The following SNX25 variants were observed in gnomAD, a reference collection of about 807,000 sequenced individuals.
SNX25 encodes the protein sorting nexin-25.
In SNX25, 62 loss-of-function variants were observed where a neutral mutation model predicts 113.7. That is an observed-to-expected ratio of 0.55 (90% CI 0.44 to 0.67). The LOEUF (loss-of-function observed/expected upper bound fraction) is 0.67, where lower values mean the gene tolerates loss of function less well. Ranked by LOEUF, SNX25 falls within the 30% of genes least tolerant of loss-of-function variation. The pLI is 0.00. For synonymous variants in SNX25, 421 were observed against 436.2 expected (o/e 0.97, Z 0.43); for missense variants, 1,014 against 1,161.0 (o/e 0.87, Z 1.84).
intron 1 of SNX25, among the ~76,000 whole-genome samples, chr4:185,212,466 TGTG>T (rs1560889771): frequency 2.3e-4 from 17 of 73,812 alleles, no homozygotes; most frequent in South Asian, 1.3e-3. Context: ...TTGTGTGATG[TGTG>T]TGTGTGTGTG....
At position 185,264,537 on chromosome 4, in the gene SNX25, T is replaced by C. The variant is rs993939415; in HGVS notation, c.831T>C (p.Phe277=). 1.2e-6 allele frequency: 2 copies of C among 1,614,112 alleles called. No homozygotes were observed. Among genetic ancestry groups the C allele is most frequent in the Non-Finnish European group, 1.7e-6 (2 of 1,179,962 alleles). The part of the protein sequence containing the change: ...FLQTCSRVLV[F]CLLPSKDVQS... ...AAACGTGTTCTCGGGTTCTGGTGTT[T>C]TGTCTCCTCCCCTCAAAGGATGTGC... Residue 277 remains phenylalanine (F), a synonymous_variant, in exon 4 of 19, where the codon TTT becomes TTC. Coordinates refer to ENST00000652585, the MANE Select transcript of SNX25 (RefSeq NM_001378034.2).
At position 185,287,018 on chromosome 4, in the gene SNX25, TAAAG is replaced by T. The variant is rs556294809; in HGVS notation, c.1092-991_1092-988del. 1.8e-3 allele frequency among the ~76,000 whole-genome samples: 277 copies of T among 152,332 alleles called. 1 individual carries two copies. Among genetic ancestry groups the T allele is most frequent in the Admixed American group, 3.7e-3 (56 of 15,304 alleles). Reference sequence around the variant, plus strand: ...TTTTGTTCAAAGTAAGAATTAATGTTAAAGAACTTTATTACCAGCAGATGAAATT... The same window carrying T: ...TTTTGTTCAAAGTAAGAATTAATGTTAACTTTATTACCAGCAGATGAAATT... On this transcript the variant is annotated intron_variant, in intron 5 of 18. Transcript: ENST00000652585.
intron 6 of SNX25, among the ~76,000 whole-genome samples, chr4:185,310,001 T>A (rs979818653): frequency 2.6e-5 from 4 of 152,238 alleles, no homozygotes; most frequent in Admixed American, 2.6e-4. Flanking sequence ...TCGAAAGCTC[T>A]GTTCTCTTTC....
chr4:185,273,767 T>C (rs1310277077), intron 5 of SNX25, among the ~76,000 whole-genome samples: 4 of 152,126 alleles, frequency 2.6e-5, no homozygotes, highest in Non-Finnish European at 5.9e-5. Flanking sequence ...GATGATGCAG[T>C]GTTTGGCTTA....
At chr4:185,260,178 ATT>A (rs1235334840) in intron 3 of SNX25, among the ~76,000 whole-genome samples, 6 of 132,932 alleles carry the variant, frequency 4.5e-5, no homozygotes, top group African/African-American at 1.5e-4. Context: ...ACTCAATTTT[ATT>A]TTCTTACTTA....
At chr4:185,255,726 G>A (rs1458971161) in intron 2 of SNX25, among the ~76,000 whole-genome samples, 3 of 152,200 alleles carry the variant, frequency 2.0e-5, no homozygotes, top group Admixed American at 6.5e-5. Flanking sequence ...GTGCTGAGTA[G>A]AAAGAGTGAT....
chr4:185,211,267 A>G lies in SNX25; in HGVS notation c.429+1012A>G, dbSNP rs557751535. 1.7e-4 allele frequency among the ~76,000 whole-genome samples: 26 copies of G among 152,346 alleles called. No homozygotes were observed. The South Asian group carries it at 5.4e-3, about 32-fold the overall frequency. On this transcript the variant is annotated intron_variant, in intron 1 of 18. Coordinates refer to ENST00000652585, the MANE Select transcript of SNX25 (RefSeq NM_001378034.2). The stretch of plus-strand genomic sequence containing the variant: ...TTAGTTCAGAATGCAGCGCTGAGAT[A>G]ATGGCGGAAGGCATTAGTAGGTAAC...
At chr4:185,240,178 A>G (rs1467426085) in intron 1 of SNX25, among the ~76,000 whole-genome samples, 1 of 151,976 alleles carries the variant, frequency 6.6e-6, no homozygotes, top group East Asian at 1.9e-4. Context: ...TTCTACACAG[A>G]CATGGCAACC....
upstream of SNX25, among the ~76,000 whole-genome samples, chr4:185,208,994 C>T (rs966694830): frequency 6.6e-6 from 1 of 152,118 alleles, no homozygotes; most frequent in African/African-American, 2.4e-5. Flanking sequence ...TGGTAAAAAA[C>T]AAAAAACAAA....
upstream of SNX25, among the ~76,000 whole-genome samples, chr4:185,208,996 AAAAACAAAAC>A (rs781325338): frequency 1.3e-5 from 2 of 152,172 alleles, no homozygotes; most frequent in African/African-American, 2.4e-5. Flanking sequence ...GTAAAAAACA[AAAAACAAAAC>A]AAAACAAAAC....
intron 7 of SNX25, among the ~76,000 whole-genome samples, chr4:185,314,909 A>G (rs1392679185): frequency 6.7e-6 from 1 of 150,164 alleles, no homozygotes; most frequent in African/African-American, 2.4e-5. Flanking sequence ...ATAACCCACA[A>G]TTTATTGAAG....
At chr4:185,230,017 A>G (rs182978522) in intron 1 of SNX25, among the ~76,000 whole-genome samples, 1 of 152,084 alleles carries the variant, frequency 6.6e-6, no homozygotes, top group East Asian at 1.9e-4. Flanking sequence ...TTTAGTAGAG[A>G]TGAGGTTTCG....
chr4:185,362,052 A>G lies in SNX25; in HGVS notation c.2780A>G (p.Gln927Arg). ...CCGACCACAATCAGAAGCAAAGAGC[A>G]AAGTCAGGAAACAAAACAGAGAGCA... ...APPTTIRSKE[Q>R]SQETKQRAQQ... The change falls in exon 17 of 19, where the codon CAA becomes CGA. Residue 927 changes from glutamine to arginine, a missense_variant. Gln to Arg is a conservative substitution (Grantham distance 43). Coordinates refer to ENST00000652585, the MANE Select transcript of SNX25 (RefSeq NM_001378034.2). The G allele has an allele frequency of 6.2e-7, 1 of 1,614,166 alleles. No individual in the cohort carries two copies. Among genetic ancestry groups the G allele is most frequent in the African/African-American group, 1.3e-5 (1 of 75,058 alleles).
In SNX25 at chr4:185,259,103, A is replaced by AT. The variant is rs757745173; in HGVS notation, c.731+47dup. 4.0e-5 allele frequency: 62 copies of AT among 1,554,856 alleles called. No homozygotes were observed. In the South Asian group the frequency reaches 5.6e-4, roughly 14 times the overall value. The stretch of plus-strand genomic sequence containing the variant: ...GCAACTTACCCCCTTTTTTGCATTA[A>AT]TTTTTTTTAATTGAGTAAAAGGTCA... On this transcript the variant is annotated intron_variant, in intron 3 of 18. Coordinates refer to ENST00000652585, the MANE Select transcript of SNX25 (RefSeq NM_001378034.2).
At chr4:185,302,108 T>G (rs1480443292) in intron 6 of SNX25, among the ~76,000 whole-genome samples, 1 of 146,524 alleles carries the variant, frequency 6.8e-6, no homozygotes. Context: ...TTGTTTTTTT[T>G]TTTTTTTAGT....
intron 1 of SNX25, among the ~76,000 whole-genome samples, chr4:185,216,455 TG>T (rs1738834382): frequency 6.6e-6 from 1 of 150,872 alleles, no homozygotes; most frequent in African/African-American, 2.4e-5. Context: ...TGATTAAACC[TG>T]GGACAAAAAA....
In SNX25 at chr4:185,225,365, C is replaced by T. The variant is rs1740835415; in HGVS notation, c.429+15110C>T. Among the ~76,000 whole-genome samples, 5 of 152,200 alleles carry T rather than the reference C, an allele frequency of 3.3e-5. No homozygotes were observed. The South Asian group carries it at 1.0e-3, about 32-fold the overall frequency. ...GGTCTCGATCTCCTGACCTCGTGAT[C>T]CGCCCACCTCGGCCTCCCAAAGTGC... On this transcript the variant is annotated intron_variant, in intron 1 of 18. Coordinates refer to ENST00000652585, the MANE Select transcript of SNX25 (RefSeq NM_001378034.2).
intron 5 of SNX25, among the ~76,000 whole-genome samples, chr4:185,279,297 GT>G (rs1750226761): frequency 6.6e-6 from 1 of 152,104 alleles, no homozygotes; most frequent in African/African-American, 2.4e-5. Context: ...CGTGGAGATG[GT>G]TTCCTCAACC....
Position 185,339,499 on chromosome 4 carries a change from AC to A in SNX25, c.2037del (p.Ser680ValfsTer19). On this transcript the variant is annotated frameshift_variant, in exon 11 of 19. Coordinates refer to ENST00000652585, the MANE Select transcript of SNX25 (RefSeq NM_001378034.2). LOFTEE classifies it high-confidence loss of function. Reference sequence around the variant, plus strand: ...CCTTGGCATGTGGAAAGCCTCCATCACCAGTGGAGAGGTAGTTTTGACTGCT... The same window carrying A: ...CCTTGGCATGTGGAAAGCCTCCATCACAGTGGAGAGGTAGTTTTGACTGCT... Reference protein sequence around the residue: ...ENLGMWKASITSGEVTEENGE... With the variant: ...ENLGMWKASIXSGEVTEENGE... 5 of 1,612,408 alleles carry A rather than the reference AC, an allele frequency of 3.1e-6. No individual in the cohort carries two copies. Among genetic ancestry groups the A allele is most frequent in the Non-Finnish European group, 4.2e-6 (5 of 1,179,300 alleles).
Sources: allele counts gnomAD v4.1 joint callset (sites outside exome capture counted in the v4.1 genomes callset), GRCh38; gene constraint gnomAD v4.1.1; transcripts MANE v1.5; gene names NCBI Gene and HGNC (gene_info 2026-07-23, HGNC 2026-07-21).